DIPK2A: variants seen among roughly 807,000 people sequenced by gnomAD.
The protein encoded by DIPK2A is Golgi Protein of 49 kDa.
In DIPK2A, 27 loss-of-function variants were observed where a neutral mutation model predicts 39.0. The observed-to-expected ratio is 0.69, with a 90% CI of 0.51 to 0.96. DIPK2A has a LOEUF of 0.96. DIPK2A is among the 40% of genes least tolerant of loss of function. The pLI, the probability that DIPK2A is intolerant of heterozygous loss-of-function variation, is 0.00. For missense variants in DIPK2A, 528 were observed against 571.3 expected, an observed-to-expected ratio of 0.92 and a Z score of 0.77; for synonymous variants, 298 against 240.8, an observed-to-expected ratio of 1.24 and a Z score of -2.20.
At chr3:143,988,222 C>G (rs2087932769) in intron 2 of DIPK2A, among the ~76,000 whole-genome samples, 1 of 151,978 alleles carries the variant, frequency 6.6e-6, no homozygotes, top group African/African-American at 2.4e-5. Context: ...CCTCAGCATC[C>G]CAAGTAGCTG....
At chr3:143,979,748 A>T (rs1476206095) in intron 1 of DIPK2A, among the ~76,000 whole-genome samples, 1 of 152,066 alleles carries the variant, frequency 6.6e-6, no homozygotes, top group East Asian at 1.9e-4. Flanking sequence ...AAGATAATCT[A>T]TTTCTATTAA....
chr3:143,988,380 G>A (rs1168392057), intron 2 of DIPK2A, among the ~76,000 whole-genome samples: 3 of 152,124 alleles, frequency 2.0e-5, no homozygotes, highest in Non-Finnish European at 4.4e-5. Context: ...GATTACAGAT[G>A]TGAGCCACCC....
chr3:143,983,895 G>C (rs1228153542), intron 1 of DIPK2A, among the ~76,000 whole-genome samples: 1 of 148,280 alleles, frequency 6.7e-6, no homozygotes, highest in African/African-American at 2.6e-5. Context: ...TATTGGGAAG[G>C]CTGTTTCATC....
intron 1 of DIPK2A, chr3:143,973,401 AGTGTTCTACACC>A: frequency 6.5e-7 from 1 of 1,549,530 alleles, no homozygotes; most frequent in Non-Finnish European, 8.7e-7. Flanking sequence ...GTTCTTCTGA[AGTGTTCTACACC>A]GCGTTCGCTC....
intron 1 of DIPK2A, among the ~76,000 whole-genome samples, chr3:143,974,318 G>A (rs1313315072): frequency 6.6e-6 from 1 of 152,136 alleles, no homozygotes; most frequent in South Asian, 2.1e-4. Context: ...TAAATTTTAG[G>A]ACATCAGAGG....
intron 1 of DIPK2A, chr3:143,973,585 G>A (rs747258076): frequency 2.0e-6 from 3 of 1,509,458 alleles, no homozygotes; most frequent in Admixed American, 2.0e-5. Context: ...TGTGAGCCGA[G>A]CTTTGGGTGG....
At chr3:143,978,594 CT>C (rs2087764016) in intron 1 of DIPK2A, 1 of 66,104 alleles carries the variant, frequency 1.5e-5, no homozygotes, top group African/African-American at 1.6e-4. Context: ...CTATATCTAT[CT>C]ATCTATCTAT....
chr3:143,972,436 T>C lies in DIPK2A; in HGVS notation c.104T>C (p.Leu35Pro). Residue 35 changes from leucine to proline, a missense_variant, in exon 1 of 3, where the codon CTG becomes CCG. Leu to Pro is a moderately conservative substitution (Grantham distance 98, BLOSUM62 -3). Transcript: ENST00000315691. The stretch of plus-strand genomic sequence containing the variant: ...CTGATGGTGCTGCACTCGCCGTCGC[T>C]GCTCGCCTCTTGGCAGCGCAACGAA... The part of the protein sequence containing the change: ...LVLMVLHSPS[L>P]LASWQRNELT... 6.3e-7 allele frequency: 1 copy of C among 1,583,936 alleles called. No homozygotes were observed. Among genetic ancestry groups the C allele is most frequent in the Non-Finnish European group, 8.6e-7 (1 of 1,163,534 alleles).
At chr3:143,979,104 C>T (rs1242086096) in intron 1 of DIPK2A, among the ~76,000 whole-genome samples, 1 of 152,016 alleles carries the variant, frequency 6.6e-6, no homozygotes. Flanking sequence ...TTCTTTAGTA[C>T]ATTATGCTGA....
chr3:143,972,510 G>A lies in DIPK2A; in HGVS notation c.178G>A (p.Gly60Ser). The change falls in exon 1 of 3, where the codon GGC (glycine) becomes AGC (serine). Residue 60 changes from glycine to serine, a missense_variant. By Grantham distance (56) the Gly-to-Ser change is moderately conservative (BLOSUM62 0). This residue lies in a region of DIPK2A where 309 missense variants were observed against 289.8 expected (regional missense o/e 1.07). Transcript: ENST00000315691. Reference sequence around the variant, plus strand: ...GCTCAATAAGTGCCCGGCGTGCTTCGGCACGAGCTGGTGCCGCCGCTTCCT... The same window carrying A: ...GCTCAATAAGTGCCCGGCGTGCTTCAGCACGAGCTGGTGCCGCCGCTTCCT... Reference protein sequence around the residue: ...LQLNKCPACFGTSWCRRFLNG... With the variant: ...LQLNKCPACFSTSWCRRFLNG... 1 of 1,610,900 alleles carries A rather than the reference G, an allele frequency of 6.2e-7. No individual in the cohort carries two copies.
At chr3:143,977,174 CAA>C (rs1265459875) in intron 1 of DIPK2A, among the ~76,000 whole-genome samples, 17 of 151,938 alleles carry the variant, frequency 1.1e-4, no homozygotes, top group Admixed American at 9.2e-4. Flanking sequence ...TTGAAGTAAA[CAA>C]AAGATTATTT....
rs1283788959 is a variant in DIPK2A at position 143,972,169 on chromosome 3, C to CGCTCCCCGTCTTCCT, written c.-163_-149dup. 27 of 534,092 alleles carry CGCTCCCCGTCTTCCT rather than the reference C, an allele frequency of 5.1e-5. No homozygotes were observed. In the East Asian group the frequency reaches 9.4e-4, roughly 19 times the overall value. The allele number at this position is 534,092 out of a possible 1,614,324, so 33.1% of individuals were successfully genotyped here. A position where few individuals can be genotyped will look rare whatever the true frequency, so the allele number is the denominator to read the frequency against. The stretch of plus-strand genomic sequence containing the variant: ...CAGCCCGCTCAGGCCCGCGCCTTCC[C>CGCTCCCCGTCTTCCT]GCTCCCCGTCTTCCTCTCTCACACA... On this transcript the variant is annotated 5_prime_UTR_variant, in exon 1 of 3. Transcript: ENST00000315691.
Position 143,978,423 on chromosome 3 carries a change from G to T in DIPK2A, c.657+5434G>T, listed in dbSNP as rs74845745. ...GAGCTCTTTGAATTTATAACCAAAA[G>T]AACTGAATTTGTCTGTTCATTTTAC... On this transcript the variant is annotated intron_variant, in intron 1 of 2. Coordinates refer to ENST00000315691, the MANE Select transcript of DIPK2A (RefSeq NM_173552.5). The T allele has an allele frequency of 7.1e-3, 1,080 of 152,288 alleles. 9 individuals carry two copies. Among genetic ancestry groups the T allele is most frequent in the Middle Eastern group, 0.017 (5 of 292 alleles). 9.4% of individuals were successfully genotyped at this position (152,288 alleles called of 1,614,324 possible).
At chr3:143,981,154 G>A (rs2087823389) in intron 1 of DIPK2A, among the ~76,000 whole-genome samples, 1 of 152,212 alleles carries the variant, frequency 6.6e-6, no homozygotes, top group East Asian at 1.9e-4. Flanking sequence ...TTGATCAAAG[G>A]GTTATCGTGA....
chr3:143,972,273 T>C lies in DIPK2A; in HGVS notation c.-60T>C. ...TTCCTGCCGGTAGCTCTCCGGGTCT[T>C]GGCGCGGCGGGGGCGCCCCGGGGGT... On this transcript the variant is annotated 5_prime_UTR_variant, in exon 1 of 3. Transcript: ENST00000315691. 3 of 1,332,528 alleles carry C rather than the reference T, an allele frequency of 2.3e-6. No homozygotes were observed. Among genetic ancestry groups the C allele is most frequent in the Non-Finnish European group, 2.9e-6 (3 of 1,044,434 alleles). 82.5% of individuals were successfully genotyped at this position (1,332,528 alleles called of 1,614,324 possible).
chr3:143,989,080 A>G (rs543647118), intron 2 of DIPK2A, among the ~76,000 whole-genome samples: 1 of 152,310 alleles, frequency 6.6e-6, no homozygotes, highest in South Asian at 2.1e-4. Flanking sequence ...ATGTCTTTGC[A>G]TATACTGTGT....
In DIPK2A at chr3:143,972,011, G is replaced by C. The variant is rs566569789; in HGVS notation, c.-322G>C. The stretch of plus-strand genomic sequence containing the variant: ...GCGGGCACGGGCGCGCGACCGTCGG[G>C]TCCCCGCGCTCCCTCCCCCTCCCGC... On this transcript the variant is annotated 5_prime_UTR_variant, in exon 1 of 3. Coordinates refer to ENST00000315691, the MANE Select transcript of DIPK2A (RefSeq NM_173552.5). The C allele has an allele frequency of 5.0e-3, 1,526 of 303,092 alleles. 16 individuals are homozygous for C. The highest frequency in any genetic ancestry group is 0.03 in the African/African-American group (1,382 of 46,582). The allele number at this position is 303,092 out of a possible 1,614,324, so 18.8% of individuals were successfully genotyped here.
intron 1 of DIPK2A, among the ~76,000 whole-genome samples, chr3:143,982,392 G>A (rs1203093955): frequency 6.6e-6 from 1 of 152,182 alleles, no homozygotes. Flanking sequence ...CAGACTAACA[G>A]CAGATCTCTC....
intron 1 of DIPK2A, among the ~76,000 whole-genome samples, chr3:143,976,553 T>TGA (rs1431718846): frequency 0.024 from 2,456 of 103,462 alleles, 24 homozygotes; most frequent in Non-Finnish European, 0.037. Context: ...TGTGTGTGTG[T>TGA]GTGAGAGAGA....
Sources: gnomAD v4.1 joint callset for allele counts (sites outside exome capture counted in the v4.1 genomes callset) on GRCh38, gnomAD v4.1.1 for gene constraint, gnomAD v4.1.1 regional missense constraint, MANE v1.5 for transcripts, NCBI Gene and HGNC (gene_info 2026-07-23, HGNC 2026-07-21) for gene names.